The following GGA3 variants were observed in gnomAD, a reference collection of about 807,000 sequenced individuals.
GGA3 encodes golgi associated, gamma adaptin ear containing, ARF binding protein 3.
A neutral mutation model predicts 77.5 loss-of-function variants in GGA3; 57 were observed. The ratio of observed to expected loss-of-function variants is 0.74; its 90% CI spans 0.59 to 0.92. The LOEUF is 0.92. Among genes scored for constraint, GGA3 ranks in the 40% least tolerant of loss-of-function variants. The pLI is 0.00. For missense variants in GGA3, 970 were observed against 914.9 expected, an observed-to-expected ratio of 1.06 and a Z score of -0.78; for synonymous variants, 416 against 383.7, an observed-to-expected ratio of 1.08 and a Z score of -0.98.
At chr17:75,258,472 A>C (rs112165497) in intron 1 of GGA3, among the ~76,000 whole-genome samples, 17,536 of 152,082 alleles carry the variant, frequency 0.12, 2,901 homozygotes, top group African/African-American at 0.36. Context: ...GAGTTTGACA[A>C]CAGCCTGGCC....
upstream of GGA3, chr17:75,261,990 G>T: frequency 6.5e-7 from 1 of 1,538,068 alleles, no homozygotes. Context: ...CAGGGTGAGA[G>T]GGTGGCGAGC....
chr17:75,247,338 T>C (rs2076796220), intron 1 of GGA3, among the ~76,000 whole-genome samples: 1 of 151,908 alleles, frequency 6.6e-6, no homozygotes, highest in Non-Finnish European at 1.5e-5. Context: ...TCTCGGCTCA[T>C]TGCAGCCTCT....
rs912675113 is a variant in GGA3, at chr17:75,243,489, C to T, written c.382G>A (p.Glu128Lys). ...LYSWTMALPE[E>K]AKIKDAYHML... ...TGGTAGGCGTCTTTGATCTTTGCTT[C>T]TTCTGGCAGGGCCATGGTCCAGCTG... The change falls in exon 5 of 17, where the codon GAA (glutamate) becomes AAA (lysine). Residue 128 changes from glutamate (E) to lysine (K), a missense_variant. Physicochemically the swap from Glu to Lys is moderately conservative, Grantham distance 56. Transcript: ENST00000537686. 1.2e-6 allele frequency: 2 copies of T among 1,614,118 alleles called. No homozygotes were observed. Among genetic ancestry groups the T allele is most frequent in the African/African-American group, 1.3e-5 (1 of 74,948 alleles).
At chr17:75,249,073 T>C in intron 1 of GGA3, 9 of 770,504 alleles carry the variant, frequency 1.2e-5, no homozygotes, top group Non-Finnish European at 1.4e-5. Context: ...TGAGATTGAG[T>C]CTCGCTGTGT....
At chr17:75,250,762 CAAA>C (rs5822078) in intron 1 of GGA3, among the ~76,000 whole-genome samples, 20 of 78,820 alleles carry the variant, frequency 2.5e-4, no homozygotes, top group Admixed American at 7.1e-4. Context: ...ACTCCATCTC[CAAA>C]AAAAAAAAAA....
intron 3 of GGA3, among the ~76,000 whole-genome samples, chr17:75,245,808 C>T (rs1005875283): frequency 6.8e-6 from 1 of 146,268 alleles, no homozygotes; most frequent in African/African-American, 2.8e-5. Flanking sequence ...AGGTACAAGC[C>T]ACCGTGCCCT....
chr17:75,257,991 G>C (rs1425885776), intron 1 of GGA3, among the ~76,000 whole-genome samples: 2 of 152,130 alleles, frequency 1.3e-5, no homozygotes, highest in Non-Finnish European at 2.9e-5. Context: ...ATTGTGATTT[G>C]TTTCTGCCCC....
At position 75,261,534 on chromosome 17, in the gene GGA3, CCGCGG is replaced by C; in HGVS notation, c.40+9_40+13del. The C allele has an allele frequency of 6.6e-7, 1 of 1,515,054 alleles. No individual in the cohort carries two copies. 93.9% of individuals were successfully genotyped at this position (1,515,054 alleles called of 1,614,324 possible). On this transcript the variant is annotated intron_variant, in intron 1 of 16. Coordinates refer to ENST00000537686, the MANE Select transcript of GGA3 (RefSeq NM_138619.4). ...GCGGCTCGAGGGCAGGCAGAAACGG[CCGCGG>C]CTACTCACTGAGCCAGGACTCCAGG...
chr17:75,258,434 C>A (rs2077230100), intron 1 of GGA3, among the ~76,000 whole-genome samples: 1 of 152,124 alleles, frequency 6.6e-6, no homozygotes, highest in Non-Finnish European at 1.5e-5. Flanking sequence ...TTGGAGGGAG[C>A]TGAGGCAGGT....
chr17:75,242,954 C>G (rs752305519), intron 6 of GGA3, 43 bp from the exon 7 acceptor site: 12 of 1,549,226 alleles, frequency 7.7e-6, no homozygotes, highest in Non-Finnish European at 1.1e-5. Context: ...GAGGCAGCAC[C>G]CGTACCCCAG....
At chr17:75,251,535 G>A (rs1953334525) in intron 1 of GGA3, among the ~76,000 whole-genome samples, 1 of 151,780 alleles carries the variant, frequency 6.6e-6, no homozygotes, top group African/African-American at 2.4e-5. Context: ...GTGAAACCCT[G>A]TCTCTACTAA....
intron 1 of GGA3, chr17:75,249,041 ATATTTATT>A (rs539658993): frequency 8.3e-6 from 8 of 965,276 alleles, no homozygotes; most frequent in South Asian, 4.8e-5. Flanking sequence ...GTTTAGGTTC[ATATTTATT>A]TATTTATTTA....
chr17:75,237,807 G>T lies in GGA3; in HGVS notation c.*472C>A. On this transcript the variant is annotated 3_prime_UTR_variant, in exon 17 of 17. Coordinates refer to ENST00000537686, the MANE Select transcript of GGA3 (RefSeq NM_138619.4). ...GGATGGCAGCAGGAGCTGGTTGGCG[G>T]GGGAAGCATGGAATTGCAACAGGGC... 1 of 1,428,736 alleles carries T rather than the reference G, an allele frequency of 7.0e-7. No individual in the cohort carries two copies. Among genetic ancestry groups the T allele is most frequent in the East Asian group, 2.5e-5 (1 of 39,754 alleles). 88.5% of individuals were successfully genotyped at this position (1,428,736 alleles called of 1,614,324 possible). A position where few individuals can be genotyped will look rare whatever the true frequency, so the allele number is the denominator to read the frequency against.
Position 75,237,437 on chromosome 17 carries a change from T to A in GGA3, c.*842A>T. The A allele has an allele frequency of 6.7e-7, 1 of 1,500,672 alleles. No homozygotes were observed. Among genetic ancestry groups the A allele is most frequent in the Non-Finnish European group, 9.0e-7 (1 of 1,114,496 alleles). 93.0% of individuals were successfully genotyped at this position (1,500,672 alleles called of 1,614,324 possible). On this transcript the variant is annotated 3_prime_UTR_variant, in exon 17 of 17. Coordinates refer to ENST00000537686, the MANE Select transcript of GGA3 (RefSeq NM_138619.4). The stretch of plus-strand genomic sequence containing the variant: ...GTGGCGGTAGATTCCAAGGGGAGGA[T>A]AGCAGTTTATTTCATGCCAAGCAAG...
At position 75,237,880 on chromosome 17, in the gene GGA3, T is replaced by C. The variant is rs949757221; in HGVS notation, c.*399A>G. The C allele has an allele frequency of 7.2e-7, 1 of 1,379,884 alleles. No homozygotes were observed. Among genetic ancestry groups the C allele is most frequent in the African/African-American group, 1.5e-5 (1 of 68,646 alleles). The allele number at this position is 1,379,884 out of a possible 1,614,324, so 85.5% of individuals were successfully genotyped here. A position where few individuals can be genotyped will look rare whatever the true frequency, so the allele number is the denominator to read the frequency against. On this transcript the variant is annotated 3_prime_UTR_variant, in exon 17 of 17. Coordinates refer to ENST00000537686, the MANE Select transcript of GGA3 (RefSeq NM_138619.4). ...CTGTCAGGTGTGAGGATGTGGCTCT[T>C]GTGGGGAATGACCCATGACAGTCTC...
rs751559530 is a variant in GGA3, at chr17:75,238,337, C to T, written c.2114G>A (p.Ser705Asn). The change falls in exon 17 of 17, where the codon AGC becomes AAC. Residue 705 changes from serine to asparagine, a missense_variant. Ser to Asn is a conservative substitution (Grantham distance 46). Transcript: ENST00000537686. ...CTGGTCCACCTCGCCCACCTCTGTG[C>T]TCAGCTGCTCCCCCAGGGCGAAGGT... ...KLTFALGEQLSTEVGEVDQFP... is the reference protein window; with the variant it reads ...KLTFALGEQLNTEVGEVDQFP... 5 of 1,613,968 alleles carry T rather than the reference C, an allele frequency of 3.1e-6. No homozygotes were observed. Among genetic ancestry groups the T allele is most frequent in the Non-Finnish European group, 3.4e-6 (4 of 1,179,986 alleles).
chr17:75,247,891 A>C (rs908076207), intron 1 of GGA3, among the ~76,000 whole-genome samples: 1 of 152,172 alleles, frequency 6.6e-6, no homozygotes, highest in East Asian at 1.9e-4. Flanking sequence ...CTGTGATTAC[A>C]CTGAAGAGCC....
chr17:75,246,882 A>G, intron 1 of GGA3, 86 bp from the exon 2 acceptor site: 1 of 1,036,006 alleles, frequency 9.7e-7, no homozygotes, highest in South Asian at 1.3e-5. Flanking sequence ...TTTAAGCACT[A>G]AGAGTTTGCT....
At chr17:75,262,155 C>G (rs2077410964), upstream of GGA3, 1 of 785,642 alleles carries the variant, frequency 1.3e-6, no homozygotes, top group Non-Finnish European at 2.0e-6. Context: ...GTGACTACCT[C>G]TCGCCTAAGG....
Sources: allele counts gnomAD v4.1 joint callset (sites outside exome capture counted in the v4.1 genomes callset), GRCh38; gene constraint gnomAD v4.1.1; transcripts MANE v1.5; gene names NCBI Gene and HGNC (gene_info 2026-07-23, HGNC 2026-07-21).